Variants in IZUMO4 observed in about 807,000 individuals in gnomAD.
IZUMO4 encodes IZUMO family member 4.
A neutral mutation model predicts 37.1 loss-of-function variants in IZUMO4; 51 were observed. That is an observed-to-expected ratio of 1.38 (90% CI 1.10 to 1.74). The LOEUF (loss-of-function observed/expected upper bound fraction) is 1.74. Among genes scored for constraint, IZUMO4 ranks in the 40% most tolerant of loss-of-function variants. The pLI is 0.00. For synonymous variants in IZUMO4, 162 were observed against 121.4 expected (o/e 1.33, Z -2.20); for missense variants, 364 against 299.6 (o/e 1.21, Z -1.59).
intron 7 of IZUMO4, 41 bp downstream of exon 7, chr19:2,098,491 G>A (rs2017789648): frequency 6.2e-7 from 1 of 1,613,076 alleles, no homozygotes; most frequent in Non-Finnish European, 8.5e-7. Flanking sequence ...GTGTGTGTAT[G>A]TGAGCACCTC....
chr19:2,098,296 G>A lies in IZUMO4; in HGVS notation c.483G>A (p.Ala161=), dbSNP rs146744834. The A allele has an allele frequency of 1.2e-4, 197 of 1,613,760 alleles. No homozygotes were observed. Among genetic ancestry groups the A allele is most frequent in the Non-Finnish European group, 1.4e-4 (169 of 1,180,024 alleles). Residue 161 remains alanine, a synonymous_variant, in exon 6 of 10, where the codon GCG becomes GCA. Transcript: ENST00000395301. ...AGCCTGTGTCCCACAGGTCCTCGGC[G>A]CAGTGGAAGTCAGCTGTCCAGGGCC... is the stretch of plus-strand genomic sequence containing the variant. ...ACFGYNCESS[A]QWKSAVQGLL...
chr19:2,096,978 G>A lies in IZUMO4; in HGVS notation c.33G>A (p.Thr11=). 1.2e-6 allele frequency: 2 copies of A among 1,608,826 alleles called. No individual in the cohort carries two copies. Among genetic ancestry groups the A allele is most frequent in the Non-Finnish European group, 1.7e-6 (2 of 1,179,768 alleles). MALLLCLVCL[T]AALAHGCLHC... is the part of the protein sequence containing the mutation. The stretch of plus-strand genomic sequence containing the variant: ...TGCTGCTGTGCCTGGTGTGCCTGAC[G>A]GCGGCGCTGGCCCACGGCTGTCTGC... The change falls in exon 1 of 10, where the codon ACG becomes ACA. Residue 11 remains threonine, a synonymous_variant. Transcript: ENST00000395301.
Position 2,097,908 on chromosome 19 carries a change from C to T in IZUMO4, c.371-21C>T, listed in dbSNP as rs747315245. 121 of 1,612,652 alleles carry T rather than the reference C, an allele frequency of 7.5e-5. 1 individual carries two copies. The highest frequency in any genetic ancestry group is 4.2e-4 in the South Asian group (38 of 91,064). The stretch of plus-strand genomic sequence containing the variant: ...GACAAGGCTGGGCCTGGTAAGATGG[C>T]GCTGTCCTGCCCTCCCACAGGCCGC... On this transcript the variant is annotated intron_variant, in intron 3 of 9. Transcript: ENST00000395301.
At position 2,098,812 on chromosome 19, in the gene IZUMO4, C is replaced by T. The variant is rs370150468; in HGVS notation, c.554+8C>T. Reference sequence around the variant, plus strand: ...ACAGGACACGAGCATGAGGTAAGGCCGCCCTGACCTGGACTTCAGGGGGAG... The same window carrying T: ...ACAGGACACGAGCATGAGGTAAGGCTGCCCTGACCTGGACTTCAGGGGGAG... On this transcript the variant is annotated splice_region_variant and intron_variant, in intron 8 of 9. Coordinates refer to ENST00000395301, the MANE Select transcript of IZUMO4 (RefSeq NM_001039846.2). The T allele has an allele frequency of 1.2e-4, 194 of 1,596,058 alleles. No homozygotes were observed. Among genetic ancestry groups the T allele is most frequent in the East Asian group, 4.0e-4 (18 of 44,606 alleles).
In IZUMO4 at chr19:2,098,109, G is replaced by A. The variant is rs2017768674; in HGVS notation, c.455G>A (p.Cys152Tyr). 1 of 1,613,558 alleles carries A rather than the reference G, an allele frequency of 6.2e-7. No individual in the cohort carries two copies. Among genetic ancestry groups the A allele is most frequent in the Non-Finnish European group, 8.5e-7 (1 of 1,180,008 alleles). Residue 152 changes from cysteine (C) to tyrosine (Y), a missense_variant, in exon 5 of 10, where the codon TGC (cysteine) becomes TAC (tyrosine). Physicochemically the swap from Cys to Tyr is radical, Grantham distance 194. Coordinates refer to ENST00000395301, the MANE Select transcript of IZUMO4 (RefSeq NM_001039846.2). ...CNNCTDSHVA[C>Y]FGYNCESSAQ... ...AACTGCACAGACTCGCACGTCGCCT[G>A]CTTTGGCTATAACTGCGAGTAGGGC... is the stretch of plus-strand genomic sequence containing the variant.
chr19:2,099,063 A>C, intron 9 of IZUMO4, 34 bp downstream of exon 9: 1 of 1,600,218 alleles, frequency 6.2e-7, no homozygotes. Context: ...CCTCGGGAGA[A>C]GGGGTGCTCG....
At position 2,098,727 on chromosome 19, in the gene IZUMO4, T is replaced by C; in HGVS notation, c.537-60T>C. 3.1e-6 allele frequency: 5 copies of C among 1,599,292 alleles called. No individual in the cohort carries two copies. In the Admixed American group the frequency reaches 7.1e-5, roughly 23 times the overall value. The stretch of plus-strand genomic sequence containing the variant: ...GGTCTGTGGTCAGAGCCTGGGAGGG[T>C]TCCCTACGATGGTTAGGGGTGCCCC... On this transcript the variant is annotated intron_variant, in intron 7 of 9. Coordinates refer to ENST00000395301, the MANE Select transcript of IZUMO4 (RefSeq NM_001039846.2).
intron 7 of IZUMO4, 93 bp downstream of exon 7, chr19:2,098,543 C>T: frequency 6.2e-7 from 1 of 1,608,000 alleles, no homozygotes; most frequent in Non-Finnish European, 8.5e-7. Context: ...TCCCTCAGCT[C>T]CCACGTCCTA....
chr19:2,098,490 T>C (rs977707907), intron 7 of IZUMO4, 40 bp downstream of exon 7: 1 of 1,613,518 alleles, frequency 6.2e-7, no homozygotes, highest in South Asian at 1.1e-5. Context: ...AGTGTGTGTA[T>C]GTGAGCACCT....
Position 2,098,769 on chromosome 19 carries a change from C to A in IZUMO4, c.537-18C>A, listed in dbSNP as rs927940958. 1 of 1,604,318 alleles carries A rather than the reference C, an allele frequency of 6.2e-7. No individual in the cohort carries two copies. The highest frequency in any genetic ancestry group is 8.5e-7 in the Non-Finnish European group (1 of 1,176,182). On this transcript the variant is annotated intron_variant, in intron 7 of 9. Coordinates refer to ENST00000395301, the MANE Select transcript of IZUMO4 (RefSeq NM_001039846.2). ...GGGTGCCCCATGGAGGGGCTGACTG[C>A]CCCACATTGCCTTTCAGACAGGACA...
Position 2,099,335 on chromosome 19 carries a change from A to C in IZUMO4, c.689A>C (p.Lys230Thr), listed in dbSNP as rs767108796. 32 of 1,612,230 alleles carry C rather than the reference A, an allele frequency of 2.0e-5. No homozygotes were observed. The highest frequency in any genetic ancestry group is 2.7e-5 in the Non-Finnish European group (32 of 1,179,366). Residue 230 changes from lysine (K) to threonine (T), a missense_variant, in exon 10 of 10, where the codon AAG becomes ACG. Lys to Thr is a moderately conservative substitution (Grantham distance 78). Coordinates refer to ENST00000395301, the MANE Select transcript of IZUMO4 (RefSeq NM_001039846.2). ...LTLEDAAECL[K>T]QH ...TTGGAAGATGCTGCTGAGTGTCTCA[A>C]GCAGCACTGACAGCAGCTGGGCCTG...
chr19:2,098,490 T>G, intron 7 of IZUMO4, 40 bp downstream of exon 7: 1 of 1,613,518 alleles, frequency 6.2e-7, no homozygotes, highest in Non-Finnish European at 8.5e-7. Flanking sequence ...AGTGTGTGTA[T>G]GTGAGCACCT....
chr19:2,099,267 A>G lies in IZUMO4; in HGVS notation c.621A>G (p.Pro207=), dbSNP rs372556289. The G allele has an allele frequency of 6.2e-6, 10 of 1,612,672 alleles. No individual in the cohort carries two copies. The highest frequency in any genetic ancestry group is 2.2e-5 in the East Asian group (1 of 44,892). ...HRATPAFLVS[P]ALRCLEPPHL... is the part of the protein sequence containing the mutation. ...CGTCTCCCCGCAGCCTGGTATCGCCAGCCTTAAGGTGTCTGGAGCCCCCAC... is the reference window on the plus strand; with the variant it reads ...CGTCTCCCCGCAGCCTGGTATCGCCGGCCTTAAGGTGTCTGGAGCCCCCAC... The change falls in exon 10 of 10, where the codon CCA becomes CCG. Residue 207 remains proline (P), a synonymous_variant. Coordinates refer to ENST00000395301, the MANE Select transcript of IZUMO4 (RefSeq NM_001039846.2).
At position 2,099,296 on chromosome 19, in the gene IZUMO4, T is replaced by C; in HGVS notation, c.650T>C (p.Leu217Ser). 6.2e-7 allele frequency: 1 copy of C among 1,613,558 alleles called. No individual in the cohort carries two copies. Among genetic ancestry groups the C allele is most frequent in the Non-Finnish European group, 8.5e-7 (1 of 1,179,952 alleles). The change falls in exon 10 of 10, where the codon TTG becomes TCG. Residue 217 changes from leucine (L) to serine (S), a missense_variant. By Grantham distance (145) the Leu-to-Ser change is moderately radical. Transcript: ENST00000395301. ...TTAAGGTGTCTGGAGCCCCCACACT[T>C]GGCCAACCTGACCTTGGAAGATGCT... ...PALRCLEPPH[L>S]ANLTLEDAAE...
rs1335331258 is a variant in IZUMO4, at chr19:2,099,542, T to C, written c.*197T>C. The C allele has an allele frequency of 6.8e-6, 4 of 588,020 alleles. No individual in the cohort carries two copies. Among genetic ancestry groups the C allele is most frequent in the African/African-American group, 1.9e-5 (1 of 53,778 alleles). The allele number at this position is 588,020 out of a possible 1,614,324, so 36.4% of individuals were successfully genotyped here. On this transcript the variant is annotated 3_prime_UTR_variant, in exon 10 of 10. Transcript: ENST00000395301. Reference sequence around the variant, plus strand: ...TGCGCAGCATCAGCGCCTGGGCAGGTCCGCAGAGCTGCGGGATGTGATTAA... The same window carrying C: ...TGCGCAGCATCAGCGCCTGGGCAGGCCCGCAGAGCTGCGGGATGTGATTAA...
At chr19:2,098,748 G>A (rs747002621) in intron 7 of IZUMO4, 39 bp from the exon 8 acceptor site, 14 of 1,604,862 alleles carry the variant, frequency 8.7e-6, no homozygotes, top group Admixed American at 3.5e-5. Context: ...GGTTAGGGGT[G>A]CCCCATGGAG....
chr19:2,099,497 G>T lies in IZUMO4; in HGVS notation c.*152G>T. On this transcript the variant is annotated 3_prime_UTR_variant, in exon 10 of 10. Transcript: ENST00000395301. ...TGGCCAGGGCCAGGAGGGCGGGAGGGAGGGAATGGGGGTGGGCTGTGCGCA... is the reference window on the plus strand; with the variant it reads ...TGGCCAGGGCCAGGAGGGCGGGAGGTAGGGAATGGGGGTGGGCTGTGCGCA... 25 of 398,860 alleles carry T rather than the reference G, an allele frequency of 6.3e-5. No homozygotes were observed. The highest frequency in any genetic ancestry group is 8.9e-5 in the Non-Finnish European group (18 of 201,130). The allele number at this position is 398,860 out of a possible 1,614,324, so 24.7% of individuals were successfully genotyped here. A position where few individuals can be genotyped will look rare whatever the true frequency, so the allele number is the denominator to read the frequency against.
At position 2,099,271 on chromosome 19, in the gene IZUMO4, T is replaced by C. The variant is rs376870977; in HGVS notation, c.625T>C (p.Leu209=). Residue 209 remains leucine (L), a synonymous_variant, in exon 10 of 10, where the codon TTA becomes CTA. Transcript: ENST00000395301. ...ATPAFLVSPA[L]RCLEPPHLAN... ...TCCCCGCAGCCTGGTATCGCCAGCC[T>C]TAAGGTGTCTGGAGCCCCCACACTT... The C allele has an allele frequency of 5.6e-6, 9 of 1,612,670 alleles. No homozygotes were observed. The highest frequency in any genetic ancestry group is 6.8e-6 in the Non-Finnish European group (8 of 1,179,756).
intron 3 of IZUMO4, chr19:2,097,724 C>T (rs1427608160): frequency 7.1e-6 from 5 of 704,496 alleles, no homozygotes; most frequent in East Asian, 2.7e-5. Context: ...TTGCCACCGC[C>T]CTCCCCTGAA....
Sources: gnomAD v4.1 joint callset for allele counts on GRCh38, gnomAD v4.1.1 for gene constraint, MANE v1.5 for transcripts, NCBI Gene and HGNC (gene_info 2026-07-23, HGNC 2026-07-21) for gene names.